UBR4: variants seen among roughly 807,000 people sequenced by gnomAD.
UBR4 encodes the protein E3 ubiquitin-protein ligase UBR4.
Under a neutral mutation model 575.6 loss-of-function variants are expected in UBR4, and 124 were observed. That is an observed-to-expected ratio of 0.22 (90% confidence interval 0.19 to 0.25). The LOEUF (loss-of-function observed/expected upper bound fraction) is 0.25. Among genes scored for constraint, UBR4 ranks in the 10% least tolerant of loss-of-function variants. The pLI, the probability that UBR4 is intolerant of heterozygous loss-of-function variation, is 1.00. For missense variants in UBR4, 4,818 were observed against 6,478.8 expected (o/e 0.74, Z 8.80); for synonymous variants, 2,455 against 2,473.7 (o/e 0.99, Z 0.22).
intron 1 of UBR4, among the ~76,000 whole-genome samples, chr1:19,206,188 G>C (rs553890542): frequency 1.3e-5 from 2 of 152,278 alleles, no homozygotes; most frequent in East Asian, 1.9e-4. Context: ...AGCTGGGCCC[G>C]GTGGTGGGAG....
intron 94 of UBR4, among the ~76,000 whole-genome samples, 157 bp downstream of exon 94, chr1:19,094,749 C>A (rs566685516): frequency 2.0e-5 from 3 of 152,336 alleles, no homozygotes; most frequent in Admixed American, 6.5e-5. Flanking sequence ...CATTTCGATA[C>A]AATTATGTCA....
intron 63 of UBR4, 90 bp from the exon 64 acceptor site, chr1:19,126,745 C>CACA: frequency 7.4e-7 from 1 of 1,343,890 alleles, no homozygotes; most frequent in Non-Finnish European, 1.0e-6. Flanking sequence ...GAAACACACT[C>CACA]ACAACAGTCT....
At position 19,106,923 on chromosome 1, in the gene UBR4, T is replaced by C. The variant is rs776058418; in HGVS notation, c.12149A>G (p.Asn4050Ser). Reference protein sequence around the residue: ...EALTTVKPYCNEIHAQAQLWL... With the variant: ...EALTTVKPYCSEIHAQAQLWL... ...CAGTTGAGCCTGGGCATGGATCTCA[T>C]TGCAGTATGGCTTCACCGTGGTGAG... Residue 4050 changes from asparagine (N) to serine (S), a missense_variant, in exon 82 of 106, where the codon AAT (asparagine) becomes AGT (serine). Physicochemically the swap from Asn to Ser is conservative, Grantham distance 46. Around this residue, in one of 29 missense-constraint regions of UBR4, gnomAD observed 333 missense variants for 459.2 expected, o/e 0.73. Coordinates refer to ENST00000375254, the MANE Select transcript of UBR4 (RefSeq NM_020765.3). 1.1e-5 allele frequency: 17 copies of C among 1,612,842 alleles called. No individual in the cohort carries two copies. The East Asian group carries it at 3.6e-4, about 34-fold the overall frequency.
intron 68 of UBR4, among the ~76,000 whole-genome samples, chr1:19,120,763 C>A (rs1000593324): frequency 4.6e-5 from 7 of 152,162 alleles, no homozygotes; most frequent in African/African-American, 1.7e-4. Context: ...GGCTCTCAAC[C>A]CTGACCACTG....
At chr1:19,114,759 C>T in intron 75 of UBR4, 52 bp downstream of exon 75, 1 of 1,605,998 alleles carries the variant, frequency 6.2e-7, no homozygotes, top group Non-Finnish European at 8.5e-7. Flanking sequence ...CAGGTCTGCC[C>T]AAAGTCCAGA....
intron 102 of UBR4, among the ~76,000 whole-genome samples, chr1:19,082,873 C>A (rs1042037243): frequency 1.9e-4 from 29 of 152,138 alleles, no homozygotes; most frequent in Admixed American, 1.1e-3. Context: ...GACATACTTG[C>A]CTCCATAAAC....
In UBR4 at chr1:19,132,434, G is replaced by A. The variant is rs147457474; in HGVS notation, c.8907-3360C>T. ...TGGCCTCAAGTGATCAGCCTGCCTCGGCCTCCCAAAGTGATGGGATTACAG... is the reference window on the plus strand; with the variant it reads ...TGGCCTCAAGTGATCAGCCTGCCTCAGCCTCCCAAAGTGATGGGATTACAG... On this transcript the variant is annotated intron_variant, in intron 60 of 105. Coordinates refer to ENST00000375254, the MANE Select transcript of UBR4 (RefSeq NM_020765.3). Among the ~76,000 whole-genome samples, 1,473 of 151,768 alleles carry A rather than the reference G, an allele frequency of 9.7e-3. 22 individuals are homozygous for A. The highest frequency in any genetic ancestry group is 0.024 in the Middle Eastern group (7 of 294).
At chr1:19,182,550 T>C (rs76684146) in intron 17 of UBR4, among the ~76,000 whole-genome samples, 2,734 of 152,236 alleles carry the variant, frequency 0.018, 84 homozygotes, top group African/African-American at 0.062. Context: ...TGACATACTG[T>C]TTTCCACAGC....
intron 101 of UBR4, 22 bp downstream of exon 101, chr1:19,086,123 A>G: frequency 6.2e-7 from 1 of 1,612,706 alleles, no homozygotes. Context: ...CCATTCCACC[A>G]TGAAAAATAC....
chr1:19,131,257 A>AT (rs1460442428), intron 60 of UBR4, among the ~76,000 whole-genome samples: 15 of 150,616 alleles, frequency 1.0e-4, no homozygotes, highest in Non-Finnish European at 1.8e-4. Context: ...AAAAAAAAAA[A>AT]AAAAAAAAAA....
At chr1:19,165,089 G>A (rs1557865293) in intron 31 of UBR4, 92 bp from the exon 32 acceptor site, 10 of 1,547,514 alleles carry the variant, frequency 6.5e-6, no homozygotes, top group Non-Finnish European at 6.2e-6. Context: ...AGGGGAAATG[G>A]CTTCAAAGCA....
At chr1:19,167,941 A>G (rs760887203) in intron 28 of UBR4, 86 bp downstream of exon 28, 60 of 1,367,236 alleles carry the variant, frequency 4.4e-5, no homozygotes, top group Non-Finnish European at 5.3e-5. Context: ...AAGCATTACT[A>G]CATAGTTATA....
intron 58 of UBR4, among the ~76,000 whole-genome samples, chr1:19,140,123 A>G (rs941637728): frequency 1.3e-5 from 2 of 152,232 alleles, no homozygotes; most frequent in African/African-American, 4.8e-5. Context: ...AACACAAGGA[A>G]GCATCAGTCT....
chr1:19,177,661 T>C lies in UBR4; in HGVS notation c.2437A>G (p.Met813Val). Residue 813 changes from methionine (M) to valine (V), a missense_variant, in exon 19 of 106, where the codon ATG becomes GTG. Met to Val is a conservative substitution (Grantham distance 21). Coordinates refer to ENST00000375254, the MANE Select transcript of UBR4 (RefSeq NM_020765.3). The part of the protein sequence containing the change: ...TEDLNVEHLQ[M>V]LLLIFHNFTE... ...AAATTGTGGAAAATGAGGAGGAGCATCTGCAGGTGTTCTACATTCAGATCC... is the reference window on the plus strand; with the variant it reads ...AAATTGTGGAAAATGAGGAGGAGCACCTGCAGGTGTTCTACATTCAGATCC... The C allele has an allele frequency of 6.2e-7, 1 of 1,613,888 alleles. No individual in the cohort carries two copies. The highest frequency in any genetic ancestry group is 8.5e-7 in the Non-Finnish European group (1 of 1,179,966).
At chr1:19,205,725 T>C (rs762357699) in intron 1 of UBR4, among the ~76,000 whole-genome samples, 18 of 152,074 alleles carry the variant, frequency 1.2e-4, no homozygotes, top group Non-Finnish European at 1.6e-4. Flanking sequence ...AGTGCATCCC[T>C]TTCTTCCTTT....
At chr1:19,118,056 A>T in intron 71 of UBR4, 146 bp from the exon 72 acceptor site, 1 of 664,866 alleles carries the variant, frequency 1.5e-6, no homozygotes, top group South Asian at 1.9e-5. Flanking sequence ...TCAAGGACAC[A>T]GGAGAAATCC....
intron 90 of UBR4, among the ~76,000 whole-genome samples, chr1:19,098,782 C>A (rs762709401): frequency 5.9e-5 from 9 of 152,174 alleles, no homozygotes; most frequent in Admixed American, 1.3e-4. Context: ...AATTTAGTTT[C>A]TCAAACTCTA....
At chr1:19,210,048 G>A in intron 1 of UBR4, 25 bp downstream of exon 1, 2 of 1,525,346 alleles carry the variant, frequency 1.3e-6, no homozygotes, top group Non-Finnish European at 1.8e-6. Context: ...CAACAGCGTC[G>A]CCCGCCAGAG....
At chr1:19,150,124 C>A (rs533377058) in intron 49 of UBR4, among the ~76,000 whole-genome samples, 10 of 152,296 alleles carry the variant, frequency 6.6e-5, no homozygotes, top group African/African-American at 2.4e-4. Context: ...CTAGACTCTG[C>A]TACAAGAGGC....
Sources: allele counts gnomAD v4.1 joint callset (sites outside exome capture counted in the v4.1 genomes callset), GRCh38; gene constraint gnomAD v4.1.1; regional missense constraint gnomAD v4.1.1; transcripts MANE v1.5; gene names NCBI Gene and HGNC (gene_info 2026-07-23, HGNC 2026-07-21).